The following ZNF215 variants were observed in gnomAD, a reference collection of about 807,000 sequenced individuals.
The protein encoded by ZNF215 is BWSCR2-associated zinc finger protein 2.
ZNF215 carries 24 observed loss-of-function variants against 27.2 expected under a neutral mutation model. The ratio of observed to expected loss-of-function variants is 0.88; its 90% CI spans 0.64 to 1.24. The LOEUF (loss-of-function observed/expected upper bound fraction) is 1.24, where lower values mean the gene tolerates loss of function less well. Among genes scored for constraint, ZNF215 ranks in the 50% most tolerant of loss-of-function variants. The pLI is 0.00. For missense variants in ZNF215, 675 were observed against 605.7 expected (o/e 1.11, Z -1.20); for synonymous variants, 210 against 204.0 (o/e 1.03, Z -0.25).
chr11:6,928,605 G>A (rs117669528), intron 2 of ZNF215, among the ~76,000 whole-genome samples: 6 of 152,172 alleles, frequency 3.9e-5, no homozygotes, highest in Non-Finnish European at 8.8e-5. Context: ...TGAGTTTTAT[G>A]TAGTTTGAGT....
At chr11:6,952,894 A>C (rs1564961050) in intron 6 of ZNF215, among the ~76,000 whole-genome samples, 1 of 151,638 alleles carries the variant, frequency 6.6e-6, no homozygotes. Context: ...TTCCATGTTT[A>C]GTGCTTCCTT....
intron 5 of ZNF215, among the ~76,000 whole-genome samples, chr11:6,969,759 A>G (rs900082322): frequency 6.6e-6 from 1 of 152,138 alleles, no homozygotes. Context: ...TCTTTTCATA[A>G]CTAATATTAG....
At chr11:6,953,671 T>G (rs1424538538) in intron 6 of ZNF215, among the ~76,000 whole-genome samples, 1 of 152,210 alleles carries the variant, frequency 6.6e-6, no homozygotes, top group Non-Finnish European at 1.5e-5. Context: ...TTCTTTGCCT[T>G]TGGTTTGAAT....
intron 6 of ZNF215, among the ~76,000 whole-genome samples, chr11:6,951,352 C>T (rs1329933296): frequency 6.6e-6 from 1 of 152,108 alleles, no homozygotes; most frequent in East Asian, 1.9e-4. Context: ...GGCTGTGAAT[C>T]CATCTGGTCC....
intron 5 of ZNF215, among the ~76,000 whole-genome samples, chr11:6,973,100 A>T (rs1265697825): frequency 6.6e-6 from 1 of 151,918 alleles, no homozygotes; most frequent in African/African-American, 2.4e-5. Context: ...CCTGTCTCCA[A>T]GTGTTCTCAT....
intron 2 of ZNF215, among the ~76,000 whole-genome samples, chr11:6,928,388 A>G (rs1007367067): frequency 6.6e-6 from 1 of 152,066 alleles, no homozygotes; most frequent in East Asian, 1.9e-4. Flanking sequence ...TTTTCTGAGA[A>G]TTTTGCCAAA....
At chr11:6,961,342 A>C (rs1850514180), downstream of ZNF215, among the ~76,000 whole-genome samples, 1 of 152,068 alleles carries the variant, frequency 6.6e-6, no homozygotes. Context: ...AGCTGAAGAG[A>C]ATTGGTATCA....
At chr11:6,985,220 C>T (rs901462409), downstream of ZNF215, among the ~76,000 whole-genome samples, 1 of 152,128 alleles carries the variant, frequency 6.6e-6, no homozygotes, top group African/African-American at 2.4e-5. Flanking sequence ...AGGCTTTATT[C>T]CTGGAATGCA....
At chr11:6,988,589 A>G (rs1412460839), downstream of ZNF215, 2 of 152,134 alleles carry the variant, frequency 1.3e-5, no homozygotes, top group Non-Finnish European at 2.9e-5. Context: ...CTCAAAAGTG[A>G]ACTTGTTGAG....
At chr11:6,984,098 A>G (rs1227426139) in intron 5 of ZNF215, 2 of 410,016 alleles carry the variant, frequency 4.9e-6, no homozygotes, top group Middle Eastern at 8.0e-4. Flanking sequence ...AGATAATTTG[A>G]CAATGTCCCT....
intron 6 of ZNF215, among the ~76,000 whole-genome samples, chr11:6,945,662 G>A (rs140333874): frequency 1.3e-4 from 20 of 152,210 alleles, no homozygotes; most frequent in Middle Eastern, 3.4e-3. Context: ...TTAGGTTCTC[G>A]TAATACTTCT....
chr11:6,933,225 C>G (rs1242598545), intron 3 of ZNF215, among the ~76,000 whole-genome samples: 3 of 152,124 alleles, frequency 2.0e-5, no homozygotes, highest in Admixed American at 2.0e-4. Context: ...GAGTTTGAAC[C>G]TAGAGGAATT....
chr11:6,949,319 G>GCCACACTAACTT (rs1849955105), intron 6 of ZNF215, among the ~76,000 whole-genome samples: 1 of 152,146 alleles, frequency 6.6e-6, no homozygotes, highest in African/African-American at 2.4e-5. Context: ...CTGAGGAATC[G>GCCACACTAACTT]CCACACTAAC....
intron 3 of ZNF215, among the ~76,000 whole-genome samples, chr11:6,934,522 G>A (rs1564945488): frequency 1.3e-5 from 2 of 152,166 alleles, no homozygotes; most frequent in South Asian, 2.1e-4. Context: ...TGGTGGTACC[G>A]TTTTCTTTCT....
chr11:6,953,470 T>C (rs1470220654), intron 6 of ZNF215, among the ~76,000 whole-genome samples: 8 of 152,238 alleles, frequency 5.3e-5, no homozygotes, highest in Non-Finnish European at 1.2e-4. Context: ...CCTTTCTTGC[T>C]TCATTTCATT....
chr11:6,933,225 C>T (rs1242598545), intron 3 of ZNF215, among the ~76,000 whole-genome samples: 1 of 152,124 alleles, frequency 6.6e-6, no homozygotes, highest in Non-Finnish European at 1.5e-5. Flanking sequence ...GAGTTTGAAC[C>T]TAGAGGAATT....
chr11:6,928,098 T>G (rs966132289), intron 2 of ZNF215, among the ~76,000 whole-genome samples: 6 of 152,200 alleles, frequency 3.9e-5, no homozygotes, highest in Non-Finnish European at 7.3e-5. Flanking sequence ...CTATGTGGTG[T>G]TAATTTCTGG....
At chr11:6,988,377 CTG>C (rs34131641), downstream of ZNF215, 3,745 of 451,912 alleles carry the variant, frequency 8.3e-3, 141 homozygotes, top group African/African-American at 0.075. Flanking sequence ...GAAAAGGGCT[CTG>C]TGATCAGCCT....
intron 3 of ZNF215, among the ~76,000 whole-genome samples, chr11:6,941,289 T>G (rs909777953): frequency 2.0e-5 from 3 of 152,224 alleles, no homozygotes; most frequent in Non-Finnish European, 4.4e-5. Flanking sequence ...TTTTGGAATC[T>G]GCTATAAACA....
Sources: gnomAD v4.1 joint callset for allele counts (sites outside exome capture counted in the v4.1 genomes callset) on GRCh38, gnomAD v4.1.1 for gene constraint, MANE v1.5 for transcripts, NCBI Gene and HGNC (gene_info 2026-07-23, HGNC 2026-07-21) for gene names.